The following RFTN2 variants were observed in gnomAD, a reference collection of about 807,000 sequenced individuals.
RFTN2 encodes the protein raftlin family member 2, also known as raftlin-2.
Under a neutral mutation model 52.7 loss-of-function variants are expected in RFTN2, and 34 were observed. The ratio of observed to expected loss-of-function variants is 0.64; its 90% CI spans 0.49 to 0.86. The LOEUF (loss-of-function observed/expected upper bound fraction) is 0.86. Among genes scored for constraint, RFTN2 ranks in the 40% least tolerant of loss-of-function variants. The pLI is 0.00. For missense variants in RFTN2, 536 were observed against 600.1 expected, an observed-to-expected ratio of 0.89 and a Z score of 1.12; for synonymous variants, 203 against 217.7, an observed-to-expected ratio of 0.93 and a Z score of 0.59.
At chr2:197,579,273 G>C (rs747185962) in intron 8 of RFTN2, among the ~76,000 whole-genome samples, 1 of 152,050 alleles carries the variant, frequency 6.6e-6, no homozygotes, top group African/African-American at 2.4e-5. Context: ...TTGCCTGGGG[G>C]GCAATTGCCC....
chr2:197,619,761 A>G (rs1292788778), intron 5 of RFTN2, among the ~76,000 whole-genome samples: 1 of 107,474 alleles, frequency 9.3e-6, no homozygotes, highest in Non-Finnish European at 2.1e-5. Flanking sequence ...AATAATAATA[A>G]CAATAATAAA....
At chr2:197,613,182 TCCC>T (rs2088091527) in intron 7 of RFTN2, among the ~76,000 whole-genome samples, 1 of 152,178 alleles carries the variant, frequency 6.6e-6, no homozygotes, top group Non-Finnish European at 1.5e-5. Flanking sequence ...CAAGCTACCA[TCCC>T]TGAACATTGG....
intron 7 of RFTN2, among the ~76,000 whole-genome samples, chr2:197,598,160 T>A (rs1434646267): frequency 1.3e-5 from 2 of 151,720 alleles, no homozygotes; most frequent in Non-Finnish European, 2.9e-5. Flanking sequence ...TACAAAATCA[T>A]TAAAAGAAAA....
chr2:197,584,241 C>A (rs544895092), intron 8 of RFTN2, among the ~76,000 whole-genome samples: 2 of 152,286 alleles, frequency 1.3e-5, no homozygotes, highest in East Asian at 3.9e-4. Flanking sequence ...ACAGTCCCAC[C>A]AACAGTTTAA....
At chr2:197,582,698 C>A (rs1269241742) in intron 8 of RFTN2, among the ~76,000 whole-genome samples, 2 of 152,176 alleles carry the variant, frequency 1.3e-5, no homozygotes, top group Non-Finnish European at 2.9e-5. Context: ...GTTATATGGG[C>A]AGAAAGAGGT....
intron 1 of RFTN2, among the ~76,000 whole-genome samples, chr2:197,670,786 A>G (rs989758764): frequency 6.6e-6 from 1 of 152,206 alleles, no homozygotes; most frequent in Non-Finnish European, 1.5e-5. Flanking sequence ...CATGACTGCA[A>G]TGAAATTGCT....
intron 5 of RFTN2, among the ~76,000 whole-genome samples, chr2:197,619,865 C>CTTT (rs560114395): frequency 7.2e-6 from 1 of 139,226 alleles, no homozygotes; most frequent in Non-Finnish European, 1.6e-5. Context: ...AAGAGCAACA[C>CTTT]TTTTTTTTTT....
rs567429541 is a variant in RFTN2, at chr2:197,571,705, G to A, written c.*303C>T. The A allele has an allele frequency of 3.1e-6, 1 of 327,784 alleles. No individual in the cohort carries two copies. Among genetic ancestry groups the A allele is most frequent in the Admixed American group, 4.5e-5 (1 of 22,142 alleles). The allele number at this position is 327,784 out of a possible 1,614,324, so 20.3% of individuals were successfully genotyped here. A position where few individuals can be genotyped will look rare whatever the true frequency, so the allele number is the denominator to read the frequency against. ...TCAGTCTCCTTACCAGGAATTGTAA[G>A]AAAGTCTACTTTGTACATTCATGAG... On this transcript the variant is annotated 3_prime_UTR_variant, in exon 9 of 9. Transcript: ENST00000295049.
At chr2:197,596,141 T>C (rs1178451547) in intron 7 of RFTN2, 72 bp from the exon 8 acceptor site, 6 of 800,068 alleles carry the variant, frequency 7.5e-6, no homozygotes, top group Non-Finnish European at 1.2e-5. Flanking sequence ...GGCTAGAACA[T>C]TCCATATGTA....
chr2:197,591,529 T>C (rs2087713060), intron 8 of RFTN2, among the ~76,000 whole-genome samples: 2 of 152,224 alleles, frequency 1.3e-5, no homozygotes, highest in Non-Finnish European at 2.9e-5. Context: ...GGTGGAGCTG[T>C]CTGCCAGTCC....
intron 5 of RFTN2, among the ~76,000 whole-genome samples, chr2:197,626,943 C>G (rs1289101032): frequency 6.6e-6 from 1 of 152,144 alleles, no homozygotes; most frequent in Non-Finnish European, 1.5e-5. Flanking sequence ...TCACAGGTTG[C>G]TGTGGGGACT....
At chr2:197,611,122 C>G (rs529543718) in intron 7 of RFTN2, among the ~76,000 whole-genome samples, 2 of 152,236 alleles carry the variant, frequency 1.3e-5, no homozygotes, top group South Asian at 4.2e-4. Context: ...ATGATGCTGG[C>G]CTCAAAAATG....
chr2:197,646,235 T>C (rs1414661142), intron 2 of RFTN2, among the ~76,000 whole-genome samples: 2 of 152,148 alleles, frequency 1.3e-5, no homozygotes, highest in Admixed American at 6.5e-5. Context: ...CTATTTTGCT[T>C]TCCCTTTGTT....
At position 197,616,309 on chromosome 2, in the gene RFTN2, A is replaced by ATTTTATTTATTTTATTTTATTTT. The variant is rs1553601950; in HGVS notation, c.1051-331_1051-330insAAAATAAAATAAAATAAATAAAA. ...ATTTTATTTTATTTTATTTTATTTT[A>ATTTTATTTATTTTATTTTATTTT]AAGAGAGGGTCTCATTCCTACATCC... On this transcript the variant is annotated intron_variant, in intron 6 of 8. Coordinates refer to ENST00000295049, the MANE Select transcript of RFTN2 (RefSeq NM_144629.3). Among the ~76,000 whole-genome samples, 91 of 125,096 alleles carry ATTTTATTTATTTTATTTTATTTT rather than the reference A, an allele frequency of 7.3e-4. 3 individuals carry two copies. The highest frequency in any genetic ancestry group is 1.3e-3 in the Non-Finnish European group (74 of 58,744). 82.1% of individuals were successfully genotyped at this position (125,096 alleles called of 152,430 possible). A position where few individuals can be genotyped will look rare whatever the true frequency, so the allele number is the denominator to read the frequency against.
chr2:197,613,094 T>C (rs538935843), intron 7 of RFTN2, among the ~76,000 whole-genome samples: 226 of 152,346 alleles, frequency 1.5e-3, no homozygotes, highest in Non-Finnish European at 2.2e-3. Flanking sequence ...TTTATTATCT[T>C]GTCATCTTCA....
At chr2:197,670,128 G>A (rs970834789) in intron 1 of RFTN2, among the ~76,000 whole-genome samples, 1 of 152,118 alleles carries the variant, frequency 6.6e-6, no homozygotes, top group Admixed American at 6.6e-5. Flanking sequence ...GTGGCCTGTG[G>A]TCTGTTTTGT....
At chr2:197,673,362 C>T (rs991272596) in intron 1 of RFTN2, among the ~76,000 whole-genome samples, 3 of 152,138 alleles carry the variant, frequency 2.0e-5, no homozygotes, top group African/African-American at 7.2e-5. Flanking sequence ...GAAACTATGA[C>T]CTGGAAGGTA....
In RFTN2 at chr2:197,571,264, A is replaced by T. The variant is rs1307008205; in HGVS notation, c.*744T>A. The T allele has an allele frequency of 6.6e-6, 1 of 152,016 alleles. No individual in the cohort carries two copies. Among genetic ancestry groups the T allele is most frequent in the Non-Finnish European group, 1.5e-5 (1 of 67,994 alleles). 9.4% of individuals were successfully genotyped at this position (152,016 alleles called of 1,614,324 possible). A position where few individuals can be genotyped will look rare whatever the true frequency, so the allele number is the denominator to read the frequency against. On this transcript the variant is annotated 3_prime_UTR_variant, in exon 9 of 9. Coordinates refer to ENST00000295049, the MANE Select transcript of RFTN2 (RefSeq NM_144629.3). ...TTAAAATAAAAAAAAATTAAATCTT[A>T]CTCTCTACTAAGGTATTTATGTATT...
At chr2:197,590,055 G>A (rs1450382461) in intron 8 of RFTN2, among the ~76,000 whole-genome samples, 3 of 150,030 alleles carry the variant, frequency 2.0e-5, no homozygotes, top group Non-Finnish European at 3.0e-5. Flanking sequence ...TTACCCGTGT[G>A]CGCCACCATG....
Sources: gnomAD v4.1 joint callset for allele counts (sites outside exome capture counted in the v4.1 genomes callset) on GRCh38, gnomAD v4.1.1 for gene constraint, MANE v1.5 for transcripts, NCBI Gene and HGNC (gene_info 2026-07-23, HGNC 2026-07-21) for gene names.